NR3C2: variants seen among roughly 807,000 people sequenced by gnomAD.
NR3C2 encodes nuclear receptor subfamily 3 group C member 2.
NR3C2 carries 15 observed loss-of-function variants against 86.4 expected under a neutral mutation model. The ratio of observed to expected loss-of-function variants is 0.17; its 90% CI spans 0.12 to 0.27. The LOEUF (loss-of-function observed/expected upper bound fraction) is 0.27, where lower values mean the gene tolerates loss of function less well. Ranked by LOEUF, NR3C2 falls within the 10% of genes least tolerant of loss-of-function variation. NR3C2 has a pLI of 1.00. For missense variants in NR3C2, 960 were observed against 1,195.6 expected (o/e 0.80, Z 2.91); for synonymous variants, 458 against 450.5 (o/e 1.02, Z -0.21).
chr4:148,326,269 C>T (rs1346948439), intron 2 of NR3C2, among the ~76,000 whole-genome samples: 2 of 150,418 alleles, frequency 1.3e-5, no homozygotes, highest in Non-Finnish European at 3.0e-5. Flanking sequence ...GGCATGGTGG[C>T]AGGTGCCTGT....
chr4:148,317,965 G>A (rs191472259), intron 2 of NR3C2, among the ~76,000 whole-genome samples: 24,969 of 149,142 alleles, frequency 0.17, 2,353 homozygotes, highest in African/African-American at 0.25. Flanking sequence ...ATGCTGGTGC[G>A]CTGCACCCAC....
At chr4:148,315,582 T>A (rs1371705368) in intron 2 of NR3C2, among the ~76,000 whole-genome samples, 1 of 152,196 alleles carries the variant, frequency 6.6e-6, no homozygotes, top group Admixed American at 6.5e-5. Flanking sequence ...TTAGACTTAA[T>A]TATCCAAAAC....
intron 2 of NR3C2, among the ~76,000 whole-genome samples, chr4:148,316,271 T>C (rs534434984): frequency 6.6e-6 from 1 of 152,312 alleles, no homozygotes; most frequent in Non-Finnish European, 1.5e-5. Context: ...ATCTGTGGTA[T>C]AACTGAATAA....
At chr4:148,213,683 G>T (rs1737391791) in intron 3 of NR3C2, among the ~76,000 whole-genome samples, 1 of 152,120 alleles carries the variant, frequency 6.6e-6, no homozygotes, top group Non-Finnish European at 1.5e-5. Flanking sequence ...TATTTAAATT[G>T]AATTCTGATT....
intron 2 of NR3C2, among the ~76,000 whole-genome samples, chr4:148,421,178 T>C (rs1749263553): frequency 6.6e-6 from 1 of 152,210 alleles, no homozygotes; most frequent in South Asian, 2.1e-4. Flanking sequence ...TCAACTACCT[T>C]TTTTATAATA....
intron 2 of NR3C2, among the ~76,000 whole-genome samples, chr4:148,368,825 ATCT>A (rs1168328797): frequency 6.6e-6 from 1 of 152,144 alleles, no homozygotes; most frequent in Non-Finnish European, 1.5e-5. Context: ...CAATTCATAA[ATCT>A]TCTGCTCTGT....
At chr4:148,418,361 T>A (rs66506646) in intron 2 of NR3C2, among the ~76,000 whole-genome samples, 1 of 152,176 alleles carries the variant, frequency 6.6e-6, no homozygotes, top group Non-Finnish European at 1.5e-5. Flanking sequence ...CAAACCACCA[T>A]GGAGCATGTG....
chr4:148,330,076 A>G (rs533225780), intron 2 of NR3C2, among the ~76,000 whole-genome samples: 1 of 152,238 alleles, frequency 6.6e-6, no homozygotes, highest in Non-Finnish European at 1.5e-5. Context: ...TGAAAATTCA[A>G]CTGGGGGTTT....
chr4:148,286,105 T>C (rs1374630488), intron 2 of NR3C2, among the ~76,000 whole-genome samples: 2 of 152,268 alleles, frequency 1.3e-5, no homozygotes, highest in Non-Finnish European at 2.9e-5. Flanking sequence ...ATGTTTGCTT[T>C]ATCTAAAGTG....
intron 2 of NR3C2, among the ~76,000 whole-genome samples, chr4:148,424,893 G>GA (rs1274416227): frequency 2.0e-5 from 3 of 152,112 alleles, no homozygotes; most frequent in Non-Finnish European, 4.4e-5. Flanking sequence ...CAAAAAGAGT[G>GA]AATTTTATAG....
intron 3 of NR3C2, among the ~76,000 whole-genome samples, chr4:148,233,114 G>T (rs1738549802): frequency 6.6e-6 from 1 of 152,136 alleles, no homozygotes; most frequent in South Asian, 2.1e-4. Context: ...AATTAAACCA[G>T]CCACATGGTT....
At position 148,297,660 on chromosome 4, in the gene NR3C2, CAG is replaced by C. The variant is rs368301315; in HGVS notation, c.1758-37545_1758-37544del. 1.2e-3 allele frequency among the ~76,000 whole-genome samples: 189 copies of C among 152,242 alleles called. 3 individuals are homozygous for C. Among genetic ancestry groups the C allele is most frequent in the African/African-American group, 4.4e-3 (183 of 41,564 alleles). On this transcript the variant is annotated intron_variant, in intron 2 of 8. Transcript: ENST00000358102. The stretch of plus-strand genomic sequence containing the variant: ...ACATTATGTTTTCTTCATTTTTCTG[CAG>C]AGTTTTCTTTTCTTATTATATCAGT...
intron 2 of NR3C2, among the ~76,000 whole-genome samples, chr4:148,277,586 C>T (rs1037715495): frequency 1.6e-4 from 25 of 152,016 alleles, no homozygotes; most frequent in African/African-American, 6.0e-4. Flanking sequence ...CTGGGCAACA[C>T]AGTAAGACCA....
chr4:148,209,243 CAA>C (rs772286541), intron 3 of NR3C2, among the ~76,000 whole-genome samples: 4 of 108,808 alleles, frequency 3.7e-5, no homozygotes, highest in Non-Finnish European at 6.1e-5. Flanking sequence ...GACTCAGTCT[CAA>C]AAAAAAAAAA....
chr4:148,439,057 T>G (rs1405447121), intron 1 of NR3C2, among the ~76,000 whole-genome samples: 1 of 152,186 alleles, frequency 6.6e-6, no homozygotes. Flanking sequence ...TAATAGTAAT[T>G]CCAGCCAAAA....
intron 2 of NR3C2, among the ~76,000 whole-genome samples, chr4:148,400,020 A>C (rs1289109096): frequency 6.7e-6 from 1 of 149,830 alleles, no homozygotes. Flanking sequence ...TTGTCAAGAA[A>C]CTCTTTGTAT....
At chr4:148,332,421 G>A (rs1000708104) in intron 2 of NR3C2, among the ~76,000 whole-genome samples, 1 of 136,996 alleles carries the variant, frequency 7.3e-6, no homozygotes, top group African/African-American at 2.5e-5. Context: ...GACTGGGAAT[G>A]TCTTTTTTCC....
At chr4:148,195,093 A>G (rs1369759607) in intron 3 of NR3C2, among the ~76,000 whole-genome samples, 1 of 152,210 alleles carries the variant, frequency 6.6e-6, no homozygotes, top group African/African-American at 2.4e-5. Flanking sequence ...ATGTTCTAAT[A>G]TAAGTAGAGC....
At chr4:148,142,367 T>C (rs73853757) in intron 6 of NR3C2, among the ~76,000 whole-genome samples, 150 of 152,230 alleles carry the variant, frequency 9.9e-4, no homozygotes, top group African/African-American at 3.3e-3. Flanking sequence ...CGGACAGCTC[T>C]AGGACCTATA....
Sources: gnomAD v4.1 joint callset for allele counts (sites outside exome capture counted in the v4.1 genomes callset) on GRCh38, gnomAD v4.1.1 for gene constraint, MANE v1.5 for transcripts, NCBI Gene and HGNC (gene_info 2026-07-23, HGNC 2026-07-21) for gene names.